The following ST3GAL4 variants were observed in gnomAD, a reference collection of about 807,000 sequenced individuals.
ST3GAL4 encodes the protein CMP-N-acetylneuraminate-beta-galactosamide-alpha-2,3-sialyltransferase 4.
ST3GAL4 carries 24 observed loss-of-function variants against 42.6 expected under a neutral mutation model. That is an observed-to-expected ratio of 0.56 (90% CI 0.41 to 0.79). The LOEUF (loss-of-function observed/expected upper bound fraction) is 0.79, where lower values mean the gene tolerates loss of function less well. Among genes scored for constraint, ST3GAL4 ranks in the 30% least tolerant of loss-of-function variants. The pLI is 0.00. For synonymous variants in ST3GAL4, 135 were observed against 163.2 expected (o/e 0.83, Z 1.32); for missense variants, 311 against 430.8 (o/e 0.72, Z 2.46).
chr11:126,389,073 C>T (rs180788017), intron 1 of ST3GAL4, among the ~76,000 whole-genome samples: 154 of 152,212 alleles, frequency 1.0e-3, no homozygotes, highest in African/African-American at 3.4e-3. Flanking sequence ...CCACCGCTCC[C>T]CGGCTCAGTT....
rs1953564660 is a variant in ST3GAL4, at chr11:126,392,736, A to G, written c.-60-13360A>G. ...GCTGGGAGTGCGTGGTCTAATTGGT[A>G]CTTGGGACAGTGTGGTTTAACTGCC... On this transcript the variant is annotated intron_variant, in intron 1 of 10. Transcript: ENST00000444328. The surrounding 1 kb of genome is among the most constrained non-coding windows in gnomAD (Gnocchi z 5.8). 6.6e-6 allele frequency among the ~76,000 whole-genome samples: 1 copy of G among 152,188 alleles called. No homozygotes were observed. Among genetic ancestry groups the G allele is most frequent in the Admixed American group, 6.5e-5 (1 of 15,276 alleles).
intron 1 of ST3GAL4, among the ~76,000 whole-genome samples, chr11:126,369,420 G>A (rs1952556656): frequency 6.6e-6 from 1 of 152,102 alleles, no homozygotes; most frequent in Admixed American, 6.5e-5. Context: ...GCTAATTTTT[G>A]TATTTTTAGT....
chr11:126,403,909 G>A (rs913024801), intron 1 of ST3GAL4, among the ~76,000 whole-genome samples: 1 of 152,148 alleles, frequency 6.6e-6, no homozygotes, highest in African/African-American at 2.4e-5. Flanking sequence ...GTGCTTTCAG[G>A]TCACCCACAG....
chr11:126,358,786 C>T (rs1440817605), intron 1 of ST3GAL4, among the ~76,000 whole-genome samples: 2 of 152,166 alleles, frequency 1.3e-5, no homozygotes, highest in African/African-American at 4.8e-5. Flanking sequence ...CATCTCTGTT[C>T]CCCTGTACCC....
rs1046863548 is a variant in ST3GAL4 at position 126,396,028 on chromosome 11, C to T, written c.-60-10068C>T. ...GCTGAGGAGGAGTTTTACAGATGAC[C>T]GGTCTGTTCTTGGCACTTGCAATTA... On this transcript the variant is annotated intron_variant, in intron 1 of 10. Transcript: ENST00000444328. This position sits in a 1 kb window ranked among gnomAD's most constrained non-coding sequence, Gnocchi z 5.8. Among the ~76,000 whole-genome samples the T allele has an allele frequency of 6.6e-6, 1 of 150,988 alleles. No individual in the cohort carries two copies. Among genetic ancestry groups the T allele is most frequent in the African/African-American group, 2.5e-5 (1 of 40,452 alleles).
intron 9 of ST3GAL4, among the ~76,000 whole-genome samples, chr11:126,412,692 G>A (rs1299518776): frequency 3.9e-5 from 6 of 152,232 alleles, no homozygotes; most frequent in East Asian, 1.9e-4. Flanking sequence ...AAAATAGAGC[G>A]CCACCCCCAT....
chr11:126,386,532 C>T lies in ST3GAL4; in HGVS notation c.-60-19564C>T, dbSNP rs1953233059. ...GGAGTGATGTGACCTCTGTGGCTCT[C>T]CTGGGACACAGGTTAGTCCTGTGGG... On this transcript the variant is annotated intron_variant, in intron 1 of 10. Transcript: ENST00000444328. The surrounding 1 kb of genome is among the most constrained non-coding windows in gnomAD (Gnocchi z 4.7). Among the ~76,000 whole-genome samples, 1 of 152,098 alleles carries T rather than the reference C, an allele frequency of 6.6e-6. No homozygotes were observed. Among genetic ancestry groups the T allele is most frequent in the African/African-American group, 2.4e-5 (1 of 41,398 alleles).
rs1238880467 is a variant in ST3GAL4 at position 126,383,729 on chromosome 11, C to G, written c.-60-22367C>G. Among the ~76,000 whole-genome samples, 5 of 152,116 alleles carry G rather than the reference C, an allele frequency of 3.3e-5. No individual in the cohort carries two copies. Among genetic ancestry groups the G allele is most frequent in the Non-Finnish European group, 5.9e-5 (4 of 68,008 alleles). On this transcript the variant is annotated intron_variant, in intron 1 of 10. Coordinates refer to ENST00000444328, the MANE Select transcript of ST3GAL4 (RefSeq NM_001254757.2). This position sits in a 1 kb window ranked among gnomAD's most constrained non-coding sequence, Gnocchi z 4.5. ...GAGCTGCTGGAAGGGGCTGTCTATG[C>G]CTTCAGGCTCTGAGTGTGGATGCAG... is the stretch of plus-strand genomic sequence containing the variant.
chr11:126,360,039 G>A (rs1171143672), intron 1 of ST3GAL4, among the ~76,000 whole-genome samples: 2 of 152,212 alleles, frequency 1.3e-5, no homozygotes, highest in Non-Finnish European at 2.9e-5. Flanking sequence ...TGCCCGTCCT[G>A]GGCTGGCTCA....
At chr11:126,370,751 A>G (rs1213970270) in intron 1 of ST3GAL4, among the ~76,000 whole-genome samples, 2 of 150,484 alleles carry the variant, frequency 1.3e-5, no homozygotes, top group Middle Eastern at 3.2e-3. Flanking sequence ...ATCTCGGCTC[A>G]CTGCAACCTC....
At chr11:126,402,263 A>G (rs11220475) in intron 1 of ST3GAL4, among the ~76,000 whole-genome samples, 1 of 151,558 alleles carries the variant, frequency 6.6e-6, no homozygotes, top group Non-Finnish European at 1.5e-5. Flanking sequence ...GGACACCAGC[A>G]TGGGCAACAT....
intron 1 of ST3GAL4, among the ~76,000 whole-genome samples, chr11:126,375,869 CTTTTTTT>C (rs11443803): frequency 4.1e-5 from 5 of 122,646 alleles, no homozygotes; most frequent in Non-Finnish European, 6.8e-5. Context: ...CCTTTTCTTC[CTTTTTTT>C]TTTTTTTTTT....
At position 126,396,061 on chromosome 11, in the gene ST3GAL4, G is replaced by A. The variant is rs1311353611; in HGVS notation, c.-60-10035G>A. On this transcript the variant is annotated intron_variant, in intron 1 of 10. Coordinates refer to ENST00000444328, the MANE Select transcript of ST3GAL4 (RefSeq NM_001254757.2). This position sits in a 1 kb window ranked among gnomAD's most constrained non-coding sequence, Gnocchi z 5.8. ...TCTTGGCACTTGCAATTAGCGGACC[G>A]TCTGTATCCGAGTGTTGATCGGGTG... 3.9e-5 allele frequency among the ~76,000 whole-genome samples: 6 copies of A among 152,012 alleles called. No homozygotes were observed. The highest frequency in any genetic ancestry group is 7.3e-5 in the African/African-American group (3 of 41,338).
chr11:126,381,318 T>G (rs773932157), intron 1 of ST3GAL4, among the ~76,000 whole-genome samples: 11 of 152,150 alleles, frequency 7.2e-5, no homozygotes, highest in Admixed American at 2.6e-4. Flanking sequence ...GTCCCAACCC[T>G]GCAGGATGGA....
Position 126,408,316 on chromosome 11 carries a change from T to C in ST3GAL4, c.447T>C (p.Asn149=), listed in dbSNP as rs1214870079. Residue 149 remains asparagine, a synonymous_variant, in exon 8 of 11, where the codon AAT becomes AAC. Coordinates refer to ENST00000444328, the MANE Select transcript of ST3GAL4 (RefSeq NM_001254757.2). Reference sequence around the variant, plus strand: ...TCCTCCCAACCCCCAGATTGAACAATGCCCCAGTGGCTGGCTATGAGGGTG... The same window carrying C: ...TCCTCCCAACCCCCAGATTGAACAACGCCCCAGTGGCTGGCTATGAGGGTG... ...NKYDVVIRLN[N]APVAGYEGDV... The C allele has an allele frequency of 1.2e-6, 2 of 1,613,986 alleles. No individual in the cohort carries two copies. The highest frequency in any genetic ancestry group is 1.7e-6 in the Non-Finnish European group (2 of 1,179,984).
intron 10 of ST3GAL4, 36 bp downstream of exon 10, chr11:126,413,684 C>T (rs201352553): frequency 4.9e-4 from 784 of 1,609,724 alleles, no homozygotes; most frequent in African/African-American, 7.2e-4. Context: ...TGGGCCAGGG[C>T]GTGGACGGGC....
chr11:126,370,473 G>A (rs1193358227), intron 1 of ST3GAL4, among the ~76,000 whole-genome samples: 1 of 152,112 alleles, frequency 6.6e-6, no homozygotes, highest in Non-Finnish European at 1.5e-5. Context: ...GGGAGTGGGG[G>A]GTAGACTTGC....
rs1049741642 is a variant in ST3GAL4 at position 126,393,977 on chromosome 11, A to G, written c.-60-12119A>G. 6.6e-6 allele frequency among the ~76,000 whole-genome samples: 1 copy of G among 152,118 alleles called. No homozygotes were observed. The highest frequency in any genetic ancestry group is 2.4e-5 in the African/African-American group (1 of 41,410). On this transcript the variant is annotated intron_variant, in intron 1 of 10. Coordinates refer to ENST00000444328, the MANE Select transcript of ST3GAL4 (RefSeq NM_001254757.2). This position sits in a 1 kb window ranked among gnomAD's most constrained non-coding sequence, Gnocchi z 5.9. ...ACTAAATCTTTGAAATCCGGTGTGTATTTTCCACTTAAAGCACATGTCAGT... is the reference window on the plus strand; with the variant it reads ...ACTAAATCTTTGAAATCCGGTGTGTGTTTTCCACTTAAAGCACATGTCAGT...
intron 1 of ST3GAL4, chr11:126,356,355 TG>T (rs1952060940): frequency 6.6e-6 from 1 of 152,352 alleles, no homozygotes; most frequent in Non-Finnish European, 1.5e-5. Context: ...GGCCACGTTA[TG>T]GGGGTCGTCA....
Sources: allele counts gnomAD v4.1 joint callset (sites outside exome capture counted in the v4.1 genomes callset), GRCh38; gene constraint gnomAD v4.1.1; non-coding constraint Gnocchi (gnomAD v3.1); transcripts MANE v1.5; gene names NCBI Gene and HGNC (gene_info 2026-07-23, HGNC 2026-07-21).